The following TMEM268 variants were observed in gnomAD, a reference collection of about 807,000 sequenced individuals.
TMEM268 encodes the protein transmembrane protein C9orf91.
Under a neutral mutation model 39.1 loss-of-function variants are expected in TMEM268, and 24 were observed. The ratio of observed to expected loss-of-function variants is 0.61; its 90% confidence interval spans 0.44 to 0.86. TMEM268 has a LOEUF of 0.86. Among genes scored for constraint, TMEM268 ranks in the 40% least tolerant of loss-of-function variants. TMEM268 has a pLI of 0.00. For synonymous variants in TMEM268, 176 were observed against 173.5 expected (o/e 1.01, Z -0.12); for missense variants, 409 against 428.6 (o/e 0.95, Z 0.40).
intron 7 of TMEM268, among the ~76,000 whole-genome samples, chr9:114,637,463 G>C (rs10817650): frequency 0.27 from 41,347 of 151,360 alleles, 5,977 homozygotes; most frequent in South Asian, 0.4. Context: ...TGGCTAATTT[G>C]TTGTATTTTT....
At chr9:114,621,355 AAAAAG>A (rs957539919) in intron 2 of TMEM268, among the ~76,000 whole-genome samples, 2 of 151,628 alleles carry the variant, frequency 1.3e-5, no homozygotes, top group African/African-American at 4.8e-5. Context: ...CAAAAAAAAA[AAAAAG>A]AAAAAGAACC....
chr9:114,636,987 C>T lies in TMEM268; in HGVS notation c.586-3C>T. ...CGGTGGTCACTGCTGCTTCTCCCCA[C>T]AGCTTTGGTTTGTCTACTTCGACCT... On this transcript the variant is annotated splice_polypyrimidine_tract_variant and splice_region_variant and intron_variant, in intron 6 of 8. Coordinates refer to ENST00000288502, the MANE Select transcript of TMEM268 (RefSeq NM_153045.4). The T allele has an allele frequency of 6.2e-7, 1 of 1,611,364 alleles. No individual in the cohort carries two copies. Among genetic ancestry groups the T allele is most frequent in the Non-Finnish European group, 8.5e-7 (1 of 1,177,772 alleles).
intron 2 of TMEM268, chr9:114,622,076 TG>T (rs1845968167): frequency 2.0e-6 from 2 of 984,988 alleles, no homozygotes; most frequent in Non-Finnish European, 2.4e-6. Flanking sequence ...GGGCACAGAG[TG>T]GACAGATGTT....
chr9:114,604,399 G>A, the TMEM268 span, among the ~76,000 whole-genome samples: 2 of 151,794 alleles, frequency 1.3e-5, no homozygotes, highest in Admixed American at 6.6e-5. Flanking sequence ...CCAACATAGC[G>A]AAACCCTGTC....
In TMEM268 at chr9:114,639,706, T is replaced by G. The variant is rs1372189797; in HGVS notation, c.849+980T>G. Among the ~76,000 whole-genome samples, 6 of 151,652 alleles carry G rather than the reference T, an allele frequency of 4.0e-5. No individual in the cohort carries two copies. The East Asian group carries it at 1.0e-3, about 25-fold the overall frequency. On this transcript the variant is annotated intron_variant, in intron 8 of 8. Coordinates refer to ENST00000288502, the MANE Select transcript of TMEM268 (RefSeq NM_153045.4). ...TTGTGCTGGTGGGCAGTAGGAAGCC[T>G]GCAAGTAGTACTATTTAAAAGAGAA...
intron 5 of TMEM268, among the ~76,000 whole-genome samples, chr9:114,632,124 T>C (rs1020094684): frequency 1.3e-4 from 19 of 151,752 alleles, no homozygotes; most frequent in Admixed American, 1.1e-3. Context: ...AAAATCACTT[T>C]AGGTATAAAT....
At position 114,639,501 on chromosome 9, in the gene TMEM268, G is replaced by C. The variant is rs369776080; in HGVS notation, c.849+775G>C. Among the ~76,000 whole-genome samples the C allele has an allele frequency of 1.3e-3, 203 of 152,208 alleles. 1 individual carries two copies. Among genetic ancestry groups the C allele is most frequent in the African/African-American group, 4.1e-3 (172 of 41,562 alleles). On this transcript the variant is annotated intron_variant, in intron 8 of 8. Coordinates refer to ENST00000288502, the MANE Select transcript of TMEM268 (RefSeq NM_153045.4). ...GCTATGGCTAAGCACTGGCAGACCA[G>C]AATTCTGAAAATGTGCAGCTTGTGC...
rs966379888 is a variant in TMEM268, at chr9:114,644,195, C to G, written c.*882C>G. ...TCTGCTCCTGAACAAGTTTGAAGACCTATTGTTTCATAGACCCAAGACCAA... is the reference window on the plus strand; with the variant it reads ...TCTGCTCCTGAACAAGTTTGAAGACGTATTGTTTCATAGACCCAAGACCAA... On this transcript the variant is annotated 3_prime_UTR_variant, in exon 9 of 9. Transcript: ENST00000288502. The G allele has an allele frequency of 6.6e-6, 1 of 152,328 alleles. No individual in the cohort carries two copies. The highest frequency in any genetic ancestry group is 1.5e-5 in the Non-Finnish European group (1 of 68,038). The allele number at this position is 152,328 out of a possible 1,614,324, so 9.4% of individuals were successfully genotyped here.
intron 2 of TMEM268, chr9:114,622,204 A>C (rs1490637601): frequency 2.0e-6 from 2 of 985,294 alleles, no homozygotes; most frequent in Non-Finnish European, 2.4e-6. Context: ...TGAAGACTCA[A>C]GTACTGTTCA....
intron 2 of TMEM268, among the ~76,000 whole-genome samples, chr9:114,620,634 C>T (rs1376128067): frequency 1.3e-5 from 2 of 152,082 alleles, no homozygotes; most frequent in South Asian, 4.1e-4. Flanking sequence ...ATCAATGTTG[C>T]TTGATTGTAA....
chr9:114,624,806 GCACAGGCAGTGAAGA>G (rs983212081), intron 3 of TMEM268, among the ~76,000 whole-genome samples: 1 of 152,260 alleles, frequency 6.6e-6, no homozygotes, highest in African/African-American at 2.4e-5. Flanking sequence ...GAAGAGGAAT[GCACAGGCAGTGAAGA>G]CATTCACAGG....
chr9:114,610,267 G>A (rs1276501218), upstream of TMEM268, among the ~76,000 whole-genome samples: 1 of 152,134 alleles, frequency 6.6e-6, no homozygotes, highest in Non-Finnish European at 1.5e-5. Context: ...TCGAACTCCC[G>A]ACCTCAGGTA....
chr9:114,638,735 C>T lies in TMEM268; in HGVS notation c.849+9C>T. On this transcript the variant is annotated intron_variant, in intron 8 of 8. Transcript: ENST00000288502. ...CTGAGGCTGAGCCGGAGGTAACAGG[C>T]ACTGGGGCTTGTTGGGGCCATCTTC... The T allele has an allele frequency of 1.3e-6, 2 of 1,543,088 alleles. No individual in the cohort carries two copies. Among genetic ancestry groups the T allele is most frequent in the Non-Finnish European group, 1.7e-6 (2 of 1,143,982 alleles).
At chr9:114,621,983 T>C (rs568181489) in intron 2 of TMEM268, 3 of 472,242 alleles carry the variant, frequency 6.4e-6, no homozygotes, top group East Asian at 1.6e-4. Flanking sequence ...GGAAGATGCA[T>C]TGTAGAAGTA....
intron 2 of TMEM268, among the ~76,000 whole-genome samples, chr9:114,620,187 C>A (rs1381756886): frequency 6.6e-6 from 1 of 152,098 alleles, no homozygotes; most frequent in Non-Finnish European, 1.5e-5. Context: ...TGCACTCCAG[C>A]CTTGGTGACA....
At chr9:114,639,495 AG>A (rs1218441448) in intron 8 of TMEM268, among the ~76,000 whole-genome samples, 1 of 152,114 alleles carries the variant, frequency 6.6e-6, no homozygotes, top group Non-Finnish European at 1.5e-5. Context: ...AAGCACTGGC[AG>A]ACCAGAATTC....
chr9:114,632,518 C>T (rs1270216188), intron 5 of TMEM268, among the ~76,000 whole-genome samples: 1 of 152,210 alleles, frequency 6.6e-6, no homozygotes, highest in Non-Finnish European at 1.5e-5. Flanking sequence ...CCCTCCTCTT[C>T]TCCCCCACCT....
At position 114,624,408 on chromosome 9, in the gene TMEM268, C is replaced by T. The variant is rs1162934772; in HGVS notation, c.165C>T (p.Ile55=). The T allele has an allele frequency of 1.9e-6, 3 of 1,599,956 alleles. No individual in the cohort carries two copies. The South Asian group carries it at 3.4e-5, about 18-fold the overall frequency. ...VLRIDNTCAP[I]SFDLGAAEEQ... The stretch of plus-strand genomic sequence containing the variant: ...GGATTGACAATACCTGTGCACCCAT[C>T]TCCTTCGACCTGGGAGCCGCAGAAG... Residue 55 remains isoleucine, a synonymous_variant, in exon 3 of 9, where the codon ATC becomes ATT. Transcript: ENST00000288502.
intron 6 of TMEM268, 99 bp from the exon 7 acceptor site, chr9:114,636,891 C>A: frequency 4.1e-6 from 3 of 738,840 alleles, no homozygotes; most frequent in Non-Finnish European, 7.1e-6. Context: ...ATGGCACCTT[C>A]CTGCCAGACA....
Sources: allele counts gnomAD v4.1 joint callset (sites outside exome capture counted in the v4.1 genomes callset), GRCh38; gene constraint gnomAD v4.1.1; transcripts MANE v1.5; gene names NCBI Gene and HGNC (gene_info 2026-07-23, HGNC 2026-07-21).